The following CACNA1B variants were observed in gnomAD, a reference collection of about 807,000 sequenced individuals.
The protein encoded by CACNA1B is calcium voltage-gated channel subunit alpha1 B.
CACNA1B carries 70 observed loss-of-function variants against 247.2 expected under a neutral mutation model. The observed-to-expected ratio is 0.28, with a 90% CI of 0.23 to 0.35. The LOEUF is 0.35. Ranked by LOEUF, CACNA1B falls within the 10% of genes least tolerant of loss-of-function variation. The pLI, the probability that CACNA1B is intolerant of heterozygous loss-of-function variation, is 1.00. For missense variants in CACNA1B, 2,367 were observed against 3,197.4 expected, an observed-to-expected ratio of 0.74 and a Z score of 6.26; for synonymous variants, 1,231 against 1,294.4, an observed-to-expected ratio of 0.95 and a Z score of 1.05.
At chr9:138,120,589 C>T in intron 45 of CACNA1B, 42 bp from the exon 46 acceptor site, 1 of 1,468,502 alleles carries the variant, frequency 6.8e-7, no homozygotes. Flanking sequence ...GGGGTCCCTG[C>T]CTTGGGCCTG....
intron 3 of CACNA1B, among the ~76,000 whole-genome samples, chr9:137,905,610 A>G (rs1957290556): frequency 6.6e-6 from 1 of 152,194 alleles, no homozygotes; most frequent in Non-Finnish European, 1.5e-5. Flanking sequence ...TACTTTCTAT[A>G]AATTTATTAG....
At chr9:138,074,434 T>A (rs1452981559) in intron 34 of CACNA1B, among the ~76,000 whole-genome samples, 1 of 152,178 alleles carries the variant, frequency 6.6e-6, no homozygotes, top group Non-Finnish European at 1.5e-5. Context: ...AGAGACAGGG[T>A]TTCACCATGT....
Position 138,053,998 on chromosome 9 carries a change from G to T in CACNA1B, c.3960G>T (p.Arg1320Ser). Residue 1320 changes from arginine (R) to serine (S), a missense_variant, in exon 26 of 47, where the codon AGG (arginine) becomes AGT (serine). By Grantham distance (110) the Arg-to-Ser change is moderately radical (BLOSUM62 -1). Transcript: ENST00000371372. ...YCTDESKELERDCRGQYLDYE... is the reference protein window; with the variant it reads ...YCTDESKELESDCRGQYLDYE... ...CAGATGAATCCAAGGAGCTGGAGAG[G>T]GACTGCAGGTAAACTGAGGCAGGGT... is the stretch of plus-strand genomic sequence containing the variant. 6.2e-7 allele frequency: 1 copy of T among 1,613,874 alleles called. No individual in the cohort carries two copies. The highest frequency in any genetic ancestry group is 8.5e-7 in the Non-Finnish European group (1 of 1,179,800).
rs535647495 is a variant in CACNA1B at position 138,068,240 on chromosome 9, C to A, written c.4669-1518C>A. On this transcript the variant is annotated intron_variant, in intron 31 of 46. Coordinates refer to ENST00000371372, the MANE Select transcript of CACNA1B (RefSeq NM_000718.4). Reference sequence around the variant, plus strand: ...TAACAAGAAGGGAAGGTAGTGGCTGCATCTGCAGAGGAGGAAGGGAGACCC... The same window carrying A: ...TAACAAGAAGGGAAGGTAGTGGCTGAATCTGCAGAGGAGGAAGGGAGACCC... Among the ~76,000 whole-genome samples, 56 of 152,290 alleles carry A rather than the reference C, an allele frequency of 3.7e-4. 1 individual carries two copies. Among genetic ancestry groups the A allele is most frequent in the African/African-American group, 1.3e-3 (53 of 41,568 alleles).
At chr9:138,037,120 G>A (rs1959056221) in intron 20 of CACNA1B, among the ~76,000 whole-genome samples, 3 of 152,140 alleles carry the variant, frequency 2.0e-5, no homozygotes, top group East Asian at 1.9e-4. Context: ...GGTTTGTCCC[G>A]TAGAATTTCT....
chr9:137,944,077 C>T (rs139074624), intron 6 of CACNA1B, among the ~76,000 whole-genome samples: 26 of 152,306 alleles, frequency 1.7e-4, no homozygotes, highest in African/African-American at 5.3e-4. Context: ...GTTTCCTTTG[C>T]GTGCTCTTTG....
chr9:138,070,499 A>G (rs1382810792), intron 32 of CACNA1B, among the ~76,000 whole-genome samples: 1 of 152,258 alleles, frequency 6.6e-6, no homozygotes, highest in East Asian at 1.9e-4. Flanking sequence ...CTGGGTCTTC[A>G]GGAATTTTAG....
Position 137,975,449 on chromosome 9 carries a change from A to G in CACNA1B, c.1544-458A>G, listed in dbSNP as rs560378513. 3.9e-5 allele frequency among the ~76,000 whole-genome samples: 6 copies of G among 152,112 alleles called. No individual in the cohort carries two copies. The East Asian group carries it at 7.8e-4, about 20-fold the overall frequency. ...CCCAGTGGAAAGGTGGGAGATTCTG[A>G]CAAGGAGGTTGAGGGACCCCACCTT... On this transcript the variant is annotated intron_variant, in intron 11 of 46. Transcript: ENST00000371372.
intron 18 of CACNA1B, 50 bp from the exon 19 acceptor site, chr9:138,022,961 C>CGGCG (rs1254658888): frequency 6.2e-6 from 9 of 1,447,912 alleles, no homozygotes; most frequent in Admixed American, 5.0e-5. Context: ...CCCTGGAGAG[C>CGGCG]GGCGGGCGGG....
intron 20 of CACNA1B, among the ~76,000 whole-genome samples, chr9:138,028,916 A>G (rs1275979934): frequency 6.6e-6 from 1 of 152,224 alleles, no homozygotes; most frequent in African/African-American, 2.4e-5. Flanking sequence ...TCTATTCAGC[A>G]TATGGCTGCT....
At chr9:137,906,419 T>G (rs1334617377) in intron 3 of CACNA1B, among the ~76,000 whole-genome samples, 1 of 152,218 alleles carries the variant, frequency 6.6e-6, no homozygotes, top group African/African-American at 2.4e-5. Context: ...TTGCAGGAGC[T>G]GTTCACTGTC....
Position 138,049,249 on chromosome 9 carries a change from T to G in CACNA1B, c.3644T>G (p.Phe1215Cys). 6.2e-7 allele frequency: 1 copy of G among 1,613,768 alleles called. No individual in the cohort carries two copies. Among genetic ancestry groups the G allele is most frequent in the Non-Finnish European group, 8.5e-7 (1 of 1,179,620 alleles). Residue 1215 changes from phenylalanine to cysteine, a missense_variant, in exon 24 of 47, where the codon TTC (phenylalanine) becomes TGC (cysteine). By Grantham distance (205) the Phe-to-Cys change is radical. This residue lies in a region of CACNA1B where 436 missense variants were observed against 679.5 expected (regional missense o/e 0.64). Coordinates refer to ENST00000371372, the MANE Select transcript of CACNA1B (RefSeq NM_000718.4). ...LGLLLHPGAYFRDLWNILDFI... is the reference protein window; with the variant it reads ...LGLLLHPGAYCRDLWNILDFI... Reference sequence around the variant, plus strand: ...CTGCTGCTTCACCCTGGAGCCTATTTCCGGGACTTGTGGAACATTCTGGAC... The same window carrying G: ...CTGCTGCTTCACCCTGGAGCCTATTGCCGGGACTTGTGGAACATTCTGGAC...
chr9:138,117,121 A>G (rs544994210), intron 42 of CACNA1B, among the ~76,000 whole-genome samples: 8 of 152,356 alleles, frequency 5.3e-5, no homozygotes, highest in Non-Finnish European at 1.0e-4. Context: ...TCACCCGAAC[A>G]CATTCCACGC....
rs1173961109 is a variant in CACNA1B at position 137,880,657 on chromosome 9, C to A, written c.390+1498C>A. The stretch of plus-strand genomic sequence containing the variant: ...GACACTTCTAGGAGTGGCGAGCTAA[C>A]CTGTTGGGAAAACTGCAGAACATGC... On this transcript the variant is annotated intron_variant, in intron 2 of 46. Coordinates refer to ENST00000371372, the MANE Select transcript of CACNA1B (RefSeq NM_000718.4). This position sits in a 1 kb window ranked among gnomAD's most constrained non-coding sequence, Gnocchi z 4.8. Among the ~76,000 whole-genome samples the A allele has an allele frequency of 6.6e-6, 1 of 152,176 alleles. No homozygotes were observed. Among genetic ancestry groups the A allele is most frequent in the Non-Finnish European group, 1.5e-5 (1 of 68,014 alleles).
At chr9:137,991,735 TCTC>T (rs1422331935) in intron 15 of CACNA1B, among the ~76,000 whole-genome samples, 2 of 152,196 alleles carry the variant, frequency 1.3e-5, no homozygotes, top group African/African-American at 4.8e-5. Context: ...ACAGAAGATT[TCTC>T]AACAGAAACC....
intron 18 of CACNA1B, among the ~76,000 whole-genome samples, chr9:138,013,661 C>T (rs2133423974): frequency 6.6e-6 from 1 of 152,332 alleles, no homozygotes; most frequent in South Asian, 2.1e-4. Flanking sequence ...CTGCAGTTTC[C>T]AAAAATGTCT....
intron 39 of CACNA1B, among the ~76,000 whole-genome samples, chr9:138,109,082 G>A (rs9410071): frequency 0.52 from 78,908 of 152,148 alleles, 22,011 homozygotes; most frequent in African/African-American, 0.73. Context: ...ATCTCAATAG[G>A]TATAGAAAAA....
At position 137,986,340 on chromosome 9, in the gene CACNA1B, G is replaced by A; in HGVS notation, c.1770-73G>A. ...GTTTAGAAAGTCAGTGGAGCCTTAA[G>A]TGTGGCTGCAGAGAGCCATGAATGT... On this transcript the variant is annotated intron_variant, in intron 13 of 46. Transcript: ENST00000371372. The surrounding 1 kb of genome is among the most constrained non-coding windows in gnomAD (Gnocchi z 6.0). The A allele has an allele frequency of 1.3e-6, 2 of 1,541,012 alleles. No homozygotes were observed. The highest frequency in any genetic ancestry group is 8.9e-7 in the Non-Finnish European group (1 of 1,126,604).
At chr9:138,066,618 T>C (rs1959926839) in intron 31 of CACNA1B, among the ~76,000 whole-genome samples, 1 of 152,100 alleles carries the variant, frequency 6.6e-6, no homozygotes, top group Non-Finnish European at 1.5e-5. Context: ...TTCTCCACTT[T>C]TAAGGAAATG....
Sources: allele counts gnomAD v4.1 joint callset (sites outside exome capture counted in the v4.1 genomes callset), GRCh38; gene constraint gnomAD v4.1.1; regional missense constraint gnomAD v4.1.1; non-coding constraint Gnocchi (gnomAD v3.1); transcripts MANE v1.5; gene names NCBI Gene and HGNC (gene_info 2026-07-23, HGNC 2026-07-21).